The following SASS6 variants were observed in gnomAD, a reference collection of about 807,000 sequenced individuals.
SASS6 encodes the protein SAS-6 centriolar assembly protein, also known as spindle assembly abnormal protein 6 homolog.
Under a neutral mutation model 94.9 loss-of-function variants are expected in SASS6, and 59 were observed. The ratio of observed to expected loss-of-function variants is 0.62; its 90% CI spans 0.50 to 0.77. The LOEUF is 0.77. Among genes scored for constraint, SASS6 ranks in the 30% least tolerant of loss-of-function variants. The pLI, the probability that SASS6 is intolerant of heterozygous loss-of-function variation, is 0.00. For missense variants in SASS6, 698 were observed against 734.1 expected (o/e 0.95, Z 0.57); for synonymous variants, 264 against 270.0 (o/e 0.98, Z 0.22).
intron 1 of SASS6, among the ~76,000 whole-genome samples, chr1:100,131,256 A>C (rs35276909): frequency 6.6e-6 from 1 of 151,618 alleles, no homozygotes; most frequent in African/African-American, 2.4e-5. Context: ...AGTGGCACAA[A>C]TAGTAGCTCA....
At chr1:100,095,221 TCACATTTATTTAAACTG>T (rs542401701) in intron 14 of SASS6, among the ~76,000 whole-genome samples, 100 of 152,334 alleles carry the variant, frequency 6.6e-4, no homozygotes, top group Middle Eastern at 3.4e-3. Flanking sequence ...ATGTCTGCTC[TCACATTTATTTAAACTG>T]CACTATAGGC....
chr1:100,132,306 T>C (rs953253534), intron 1 of SASS6, among the ~76,000 whole-genome samples: 1 of 152,190 alleles, frequency 6.6e-6, no homozygotes, highest in Non-Finnish European at 1.5e-5. Flanking sequence ...TTTTTAAAAG[T>C]TGAACTTTAC....
chr1:100,102,057 T>C (rs1652531551), intron 14 of SASS6, among the ~76,000 whole-genome samples: 1 of 152,160 alleles, frequency 6.6e-6, no homozygotes, highest in Admixed American at 6.5e-5. Flanking sequence ...AAGCAGTGAC[T>C]GGTCTGGGTG....
At chr1:100,105,645 T>C in intron 13 of SASS6, 122 bp downstream of exon 13, 2 of 868,456 alleles carry the variant, frequency 2.3e-6, no homozygotes, top group Non-Finnish European at 1.8e-6. Context: ...TTCAGTGCAA[T>C]TGTAGGACTC....
chr1:100,093,181 T>C lies in SASS6; in HGVS notation c.1675-4945A>G, dbSNP rs1036092346. Among the ~76,000 whole-genome samples, 1,174 of 138,410 alleles carry C rather than the reference T, an allele frequency of 8.5e-3. 10 individuals carry two copies. The highest frequency in any genetic ancestry group is 0.014 in the Non-Finnish European group (876 of 63,470). 90.8% of individuals were successfully genotyped at this position (138,410 alleles called of 152,430 possible). ...CAGAATACCTATTGTTTTCTTTTTT[T>C]TTTTTTTTTTTTTTTTTGTGAGACC... On this transcript the variant is annotated intron_variant, in intron 14 of 16. Coordinates refer to ENST00000287482, the MANE Select transcript of SASS6 (RefSeq NM_194292.3).
chr1:100,111,468 T>C (rs1471931287), intron 7 of SASS6, among the ~76,000 whole-genome samples: 3 of 152,102 alleles, frequency 2.0e-5, no homozygotes. Context: ...TACGGACATT[T>C]AGTTCCCAAT....
intron 14 of SASS6, among the ~76,000 whole-genome samples, chr1:100,092,735 C>T (rs1431567469): frequency 4.6e-5 from 7 of 152,140 alleles, no homozygotes; most frequent in African/African-American, 1.7e-4. Context: ...ACCACCATGC[C>T]CAGCTAATTT....
chr1:100,099,435 G>C (rs1652311613), intron 14 of SASS6: 1 of 153,186 alleles, frequency 6.5e-6, no homozygotes, highest in Non-Finnish European at 1.5e-5. Flanking sequence ...TTGTCAACAG[G>C]TCCACATTGG....
At chr1:100,132,695 C>G in intron 1 of SASS6, 55 bp downstream of exon 1, 1 of 1,395,868 alleles carries the variant, frequency 7.2e-7, no homozygotes, top group East Asian at 2.3e-5. Flanking sequence ...GCCATCTTTC[C>G]CCATTGGCCT....
At chr1:100,103,693 G>A (rs144426522) in intron 13 of SASS6, among the ~76,000 whole-genome samples, 23 of 152,128 alleles carry the variant, frequency 1.5e-4, no homozygotes, top group Admixed American at 1.0e-3. Flanking sequence ...ATTTTAAGCC[G>A]GACAAAAAAT....
chr1:100,100,779 T>C (rs1034751338), intron 14 of SASS6, among the ~76,000 whole-genome samples: 1 of 152,160 alleles, frequency 6.6e-6, no homozygotes, highest in African/African-American at 2.4e-5. Flanking sequence ...AAAGTACATG[T>C]TTTAATCAAC....
intron 1 of SASS6, among the ~76,000 whole-genome samples, chr1:100,129,574 T>C (rs1421367696): frequency 6.6e-6 from 1 of 152,174 alleles, no homozygotes; most frequent in Non-Finnish European, 1.5e-5. Flanking sequence ...CACCACACTA[T>C]CTAATAACTG....
At position 100,108,004 on chromosome 1, in the gene SASS6, C is replaced by T; in HGVS notation, c.862G>A (p.Glu288Lys). 1.3e-6 allele frequency: 2 copies of T among 1,571,492 alleles called. No homozygotes were observed. The highest frequency in any genetic ancestry group is 2.3e-5 in the East Asian group (1 of 43,994). Residue 288 changes from glutamate (E) to lysine (K), a missense_variant and splice_region_variant, in exon 9 of 17, where the codon GAG becomes AAG. Coordinates refer to ENST00000287482, the MANE Select transcript of SASS6 (RefSeq NM_194292.3). The part of the protein sequence containing the change: ...LKAKLSGVEE[E>K]LQRTKQEVLS... Reference sequence around the variant, plus strand: ...ACTTCTTGCTTAGTCCGCTGTAGCTCCTAGAATGGGAAAAGAAAGAAATTA... The same window carrying T: ...ACTTCTTGCTTAGTCCGCTGTAGCTTCTAGAATGGGAAAAGAAAGAAATTA...
intron 14 of SASS6, among the ~76,000 whole-genome samples, chr1:100,093,077 A>G (rs1211165837): frequency 1.3e-5 from 2 of 152,094 alleles, no homozygotes; most frequent in Non-Finnish European, 2.9e-5. Flanking sequence ...AAAAGTATGT[A>G]TATTATAATG....
intron 14 of SASS6, among the ~76,000 whole-genome samples, chr1:100,090,771 C>T (rs1430471667): frequency 6.6e-6 from 1 of 151,998 alleles, no homozygotes; most frequent in Non-Finnish European, 1.5e-5. Context: ...GCCAGAAGAC[C>T]AGGAAGGGGG....
chr1:100,101,320 G>C (rs1652481999), intron 14 of SASS6, among the ~76,000 whole-genome samples: 2 of 148,814 alleles, frequency 1.3e-5, no homozygotes, highest in Admixed American at 1.3e-4. Context: ...AGCGCAAATT[G>C]TTCTGTTTTA....
In SASS6 at chr1:100,083,653, T is replaced by C. The variant is rs1337897000; in HGVS notation, c.*1675A>G. 1 of 152,014 alleles carries C rather than the reference T, an allele frequency of 6.6e-6. No individual in the cohort carries two copies. Among genetic ancestry groups the C allele is most frequent in the East Asian group, 1.9e-4 (1 of 5,184 alleles). 9.4% of individuals were successfully genotyped at this position (152,014 alleles called of 1,614,324 possible). On this transcript the variant is annotated 3_prime_UTR_variant, in exon 17 of 17. Transcript: ENST00000287482. ...GCAACACTTTTTGATTATTAACACATGTACAATTTTACACTGCAAAACAAT... is the reference window on the plus strand; with the variant it reads ...GCAACACTTTTTGATTATTAACACACGTACAATTTTACACTGCAAAACAAT...
rs767378190 is a variant in SASS6 at position 100,107,862 on chromosome 1, T to G, written c.1004A>C (p.Asp335Ala). The stretch of plus-strand genomic sequence containing the variant: ...CTCTTTTGTTCTTAAAACAAGCTGG[T>G]CCTTATCCTTGATTTCCTGTTCTAA... ...AVLEQEIKDK[D>A]QLVLRTKEAF... is the part of the protein sequence containing the mutation. The change falls in exon 9 of 17, where the codon GAC becomes GCC. Residue 335 changes from aspartate to alanine, a missense_variant. By Grantham distance (126) the Asp-to-Ala change is moderately radical. Coordinates refer to ENST00000287482, the MANE Select transcript of SASS6 (RefSeq NM_194292.3). The G allele has an allele frequency of 3.1e-6, 5 of 1,612,932 alleles. No homozygotes were observed. In the Admixed American group the frequency reaches 8.3e-5, roughly 27 times the overall value.
At chr1:100,115,985 A>C (rs1653775186) in intron 7 of SASS6, among the ~76,000 whole-genome samples, 1 of 152,190 alleles carries the variant, frequency 6.6e-6, no homozygotes, top group Admixed American at 6.5e-5. Flanking sequence ...CAAATATTAG[A>C]ATATAGGAGA....
Sources: allele counts gnomAD v4.1 joint callset (sites outside exome capture counted in the v4.1 genomes callset), GRCh38; gene constraint gnomAD v4.1.1; transcripts MANE v1.5; gene names NCBI Gene and HGNC (gene_info 2026-07-23, HGNC 2026-07-21).